AHI1: variants seen among roughly 807,000 people sequenced by gnomAD.
AHI1 encodes the protein jouberin.
AHI1 carries 123 observed loss-of-function variants against 149.3 expected under a neutral mutation model. The observed-to-expected ratio is 0.82, with a 90% confidence interval of 0.71 to 0.96. The LOEUF (loss-of-function observed/expected upper bound fraction) is 0.96. AHI1 is among the 40% of genes least tolerant of loss of function. AHI1 has a pLI of 0.00. For missense variants in AHI1, 1,439 were observed against 1,422.7 expected (o/e 1.01, Z -0.18); for synonymous variants, 475 against 459.8 (o/e 1.03, Z -0.42).
In AHI1 at chr6:135,496,748, GACAA is replaced by G. The variant is rs765854663; in HGVS notation, c.-140+436_-140+439del. On this transcript the variant is annotated intron_variant, in intron 2 of 28. Coordinates refer to ENST00000265602, the MANE Select transcript of AHI1 (RefSeq NM_001134831.2). ...CAAATGTTATCGCAAGGGAAAAAAA[GACAA>G]ACAAAAATCCTGTATACAAAATTCA... Among the ~76,000 whole-genome samples, 69 of 152,220 alleles carry G rather than the reference GACAA, an allele frequency of 4.5e-4. 1 individual carries two copies. The highest frequency in any genetic ancestry group is 2.5e-3 in the Admixed American group (38 of 15,294).
Position 135,467,567 on chromosome 6 carries a change from T to G in AHI1, c.189+14A>C. 6.3e-7 allele frequency: 1 copy of G among 1,597,266 alleles called. No individual in the cohort carries two copies. The highest frequency in any genetic ancestry group is 1.1e-5 in the South Asian group (1 of 90,592). On this transcript the variant is annotated intron_variant, in intron 6 of 28. Coordinates refer to ENST00000265602, the MANE Select transcript of AHI1 (RefSeq NM_001134831.2). ...CATGCTCTTCTTCAGGCTGTTAGTG[T>G]TAGCAGTACTTACATCATCACTTGT...
chr6:135,487,484 C>T (rs1794648628), intron 5 of AHI1, among the ~76,000 whole-genome samples: 1 of 152,114 alleles, frequency 6.6e-6, no homozygotes, highest in Non-Finnish European at 1.5e-5. Flanking sequence ...ACATATTTAA[C>T]TGATTTCAAA....
intron 23 of AHI1, among the ~76,000 whole-genome samples, chr6:135,373,697 A>T (rs757575248): frequency 1.3e-5 from 2 of 152,208 alleles, no homozygotes; most frequent in Non-Finnish European, 2.9e-5. Flanking sequence ...CTACGATCAA[A>T]GAAAGAAGAA....
At chr6:135,301,199 C>T (rs1783835417) in intron 26 of AHI1, 1 of 983,592 alleles carries the variant, frequency 1.0e-6, no homozygotes, top group East Asian at 1.1e-4. Flanking sequence ...ATAAATCAAC[C>T]TAATGTTGCT....
At chr6:135,324,551 CATATAT>C (rs3071751) in intron 24 of AHI1, among the ~76,000 whole-genome samples, 12,028 of 144,706 alleles carry the variant, frequency 0.083, 1,222 homozygotes, top group African/African-American at 0.24. Context: ...GTTATATATA[CATATAT>C]ATATATATAT....
At chr6:135,305,551 C>A (rs1190746501) in intron 26 of AHI1, among the ~76,000 whole-genome samples, 1 of 152,184 alleles carries the variant, frequency 6.6e-6, no homozygotes, top group Non-Finnish European at 1.5e-5. Context: ...AGTCAGATTT[C>A]TTTTCCTTCA....
intron 23 of AHI1, among the ~76,000 whole-genome samples, chr6:135,363,943 C>A (rs1794418992): frequency 6.9e-6 from 1 of 145,436 alleles, no homozygotes; most frequent in Non-Finnish European, 1.5e-5. Flanking sequence ...GGGCGGGGGG[C>A]TGACCCCCCC....
intron 24 of AHI1, among the ~76,000 whole-genome samples, chr6:135,355,666 T>G (rs6905243): frequency 6.6e-6 from 1 of 152,060 alleles, no homozygotes; most frequent in Non-Finnish European, 1.5e-5. Flanking sequence ...TTTGGGAGGC[T>G]GAGGTGGGCA....
At chr6:135,380,731 ACCC>A (rs752362853) in intron 23 of AHI1, among the ~76,000 whole-genome samples, 28 of 56,080 alleles carry the variant, frequency 5.0e-4, no homozygotes, top group African/African-American at 1.5e-3. Context: ...AAGTAAAATA[ACCC>A]CCCCCCCCCC....
intron 5 of AHI1, 62 bp downstream of exon 5, chr6:135,490,561 C>G: frequency 6.3e-7 from 1 of 1,582,346 alleles, no homozygotes; most frequent in East Asian, 2.2e-5. Context: ...ACATAAAATG[C>G]AGCCATATCT....
At chr6:135,454,156 T>C (rs879490452) in intron 10 of AHI1, among the ~76,000 whole-genome samples, 1 of 152,046 alleles carries the variant, frequency 6.6e-6, no homozygotes, top group Non-Finnish European at 1.5e-5. Flanking sequence ...ATATAAAAAA[T>C]ATATAGATCC....
chr6:135,422,986 G>A (rs1340679465), intron 20 of AHI1, among the ~76,000 whole-genome samples: 1 of 152,098 alleles, frequency 6.6e-6, no homozygotes, highest in Non-Finnish European at 1.5e-5. Context: ...ATAGCTTAAT[G>A]CACTGAGAAC....
rs181280840 is a variant in AHI1, at chr6:135,423,354, A to G, written c.2764+3813T>C. On this transcript the variant is annotated intron_variant, in intron 20 of 28. Coordinates refer to ENST00000265602, the MANE Select transcript of AHI1 (RefSeq NM_001134831.2). Reference sequence around the variant, plus strand: ...TTTATTCATTTATTGCATATTAGTAACATGCCAGGTACTATGTTAGACATA... The same window carrying G: ...TTTATTCATTTATTGCATATTAGTAGCATGCCAGGTACTATGTTAGACATA... Among the ~76,000 whole-genome samples the G allele has an allele frequency of 9.1e-4, 139 of 152,286 alleles. 2 individuals are homozygous for G. Among genetic ancestry groups the G allele is most frequent in the African/African-American group, 3.0e-3 (123 of 41,574 alleles).
At chr6:135,306,799 A>G (rs893497422) in intron 26 of AHI1, 4 of 152,204 alleles carry the variant, frequency 2.6e-5, no homozygotes, top group African/African-American at 9.7e-5. Context: ...TGCATCTGGC[A>G]TCATATTGCT....
In AHI1 at chr6:135,448,399, C is replaced by T. The variant is rs199524949; in HGVS notation, c.1517G>A (p.Arg506Gln). Residue 506 changes from arginine to glutamine, a missense_variant, in exon 12 of 29, where the codon CGA (arginine) becomes CAA (glutamine). Transcript: ENST00000265602. ...TGCCTCAACAACACTTAATGGGGAT[C>T]GAGGCTTAGTAGGTGGGTAATATAG... ...LQLYYPPTKP[R>Q]SPLSVVEAFE... is the part of the protein sequence containing the mutation. 20 of 1,606,010 alleles carry T rather than the reference C, an allele frequency of 1.2e-5. No individual in the cohort carries two copies. The highest frequency in any genetic ancestry group is 3.4e-5 in the South Asian group (3 of 89,534).
chr6:135,373,745 A>G (rs1249966660), intron 23 of AHI1, among the ~76,000 whole-genome samples: 1 of 152,202 alleles, frequency 6.6e-6, no homozygotes, highest in Non-Finnish European at 1.5e-5. Context: ...AAAAACAGAC[A>G]GGAACATGTG....
intron 4 of AHI1, among the ~76,000 whole-genome samples, chr6:135,490,949 CT>C (rs35679396): frequency 6.6e-6 from 1 of 152,040 alleles, no homozygotes; most frequent in African/African-American, 2.4e-5. Context: ...TCCCTCTGAC[CT>C]TTTTGGCCAC....
chr6:135,446,278 T>C (rs970676627), intron 13 of AHI1, among the ~76,000 whole-genome samples: 8 of 151,988 alleles, frequency 5.3e-5, no homozygotes, highest in African/African-American at 1.9e-4. Context: ...TAAAATGAAA[T>C]AATTATGGAA....
At chr6:135,370,224 C>T (rs916807062) in intron 23 of AHI1, among the ~76,000 whole-genome samples, 1 of 146,190 alleles carries the variant, frequency 6.8e-6, no homozygotes, top group East Asian at 2.1e-4. Flanking sequence ...CAGGAGCTGA[C>T]TTGGGTTGGG....
Sources: allele counts gnomAD v4.1 joint callset (sites outside exome capture counted in the v4.1 genomes callset), GRCh38; gene constraint gnomAD v4.1.1; transcripts MANE v1.5; gene names NCBI Gene and HGNC (gene_info 2026-07-23, HGNC 2026-07-21).